The following STAU1 variants were observed in gnomAD, a reference collection of about 807,000 sequenced individuals.
STAU1 encodes double-stranded RNA-binding protein Staufen homolog 1.
Under a neutral mutation model 62.9 loss-of-function variants are expected in STAU1, and 13 were observed. The observed-to-expected ratio is 0.21, with a 90% CI of 0.13 to 0.33. The LOEUF is 0.33. Among genes scored for constraint, STAU1 ranks in the 10% least tolerant of loss-of-function variants. The pLI, the probability that STAU1 is intolerant of heterozygous loss-of-function variation, is 1.00. For missense variants in STAU1, 571 were observed against 712.1 expected (o/e 0.80, Z 2.25); for synonymous variants, 269 against 265.1 (o/e 1.01, Z -0.14).
At chr20:49,143,363 G>T (rs962020747) in intron 5 of STAU1, among the ~76,000 whole-genome samples, 1 of 152,112 alleles carries the variant, frequency 6.6e-6, no homozygotes, top group African/African-American at 2.4e-5. Flanking sequence ...AGGCCACGGT[G>T]GGCGGATCAC....
At chr20:49,168,700 C>A (rs1446917930) in intron 2 of STAU1, among the ~76,000 whole-genome samples, 2 of 152,100 alleles carry the variant, frequency 1.3e-5, no homozygotes, top group Non-Finnish European at 2.9e-5. Flanking sequence ...GGTAGTGATT[C>A]TCAAAAGGGA....
At chr20:49,155,823 A>G (rs1343160110) in intron 3 of STAU1, among the ~76,000 whole-genome samples, 1 of 152,224 alleles carries the variant, frequency 6.6e-6, no homozygotes, top group Non-Finnish European at 1.5e-5. Context: ...TAGAGAATAA[A>G]CATGAAGAAA....
chr20:49,141,085 T>G (rs1455841084), intron 5 of STAU1, among the ~76,000 whole-genome samples: 1 of 152,190 alleles, frequency 6.6e-6, no homozygotes, highest in South Asian at 2.1e-4. Context: ...GTGCTCAGAC[T>G]GTCGTAAGAC....
the STAU1 span, among the ~76,000 whole-genome samples, chr20:49,204,629 TATATATATATATATATA>T: frequency 8.4e-5 from 5 of 59,620 alleles, no homozygotes; most frequent in Non-Finnish European, 1.1e-4. Context: ...TATATGTGTA[TATATATATATATATATA>T]TTTTTTTTTT....
At chr20:49,146,260 C>T (rs958730145) in intron 5 of STAU1, among the ~76,000 whole-genome samples, 1 of 151,832 alleles carries the variant, frequency 6.6e-6, no homozygotes, top group African/African-American at 2.4e-5. Flanking sequence ...AGTGAGACAC[C>T]ATCTCAAGAA....
At chr20:49,136,704 C>G (rs1274539911) in intron 5 of STAU1, among the ~76,000 whole-genome samples, 1 of 147,872 alleles carries the variant, frequency 6.8e-6, no homozygotes, top group African/African-American at 2.5e-5. Context: ...CTGGAAACCA[C>G]TTTTTTTTTT....
At position 49,114,702 on chromosome 20, in the gene STAU1, G is replaced by A; in HGVS notation, c.*176C>T. On this transcript the variant is annotated 3_prime_UTR_variant, in exon 14 of 14. Transcript: ENST00000371856. ...TCACAACAAACCCCAGCACAGTCCA[G>A]CCCGGCCACAGCCGCCTCCTTGTGT... 2 of 668,526 alleles carry A rather than the reference G, an allele frequency of 3.0e-6. No homozygotes were observed. Among genetic ancestry groups the A allele is most frequent in the Non-Finnish European group, 5.3e-6 (2 of 376,772 alleles). The allele number at this position is 668,526 out of a possible 1,614,324, so 41.4% of individuals were successfully genotyped here.
At chr20:49,169,636 G>A (rs966684470) in intron 2 of STAU1, among the ~76,000 whole-genome samples, 5 of 152,136 alleles carry the variant, frequency 3.3e-5, no homozygotes, top group African/African-American at 9.7e-5. Flanking sequence ...GTAAAATTAG[G>A]TTGAGAAGTT....
rs2092543629 is a variant in STAU1 at position 49,124,425 on chromosome 20, C to T, written c.772G>A (p.Val258Ile). ...ELKKLPPLPA[V>I]ERVKPRIKKK... Reference sequence around the variant, plus strand: ...TTGATTCTAGGCTTTACTCGTTCAACTGCAGGCAGGGGCGGTAACTTCTTC... The same window carrying T: ...TTGATTCTAGGCTTTACTCGTTCAATTGCAGGCAGGGGCGGTAACTTCTTC... The change falls in exon 7 of 14, where the codon GTT becomes ATT. Residue 258 changes from valine (V) to isoleucine (I), a missense_variant. Physicochemically the swap from Val to Ile is conservative, Grantham distance 29 (BLOSUM62 3). Around this residue, in one of 3 missense-constraint regions of STAU1, gnomAD observed 414 missense variants for 499.6 expected, o/e 0.83. Transcript: ENST00000371856. The T allele has an allele frequency of 6.2e-7, 1 of 1,614,242 alleles. No individual in the cohort carries two copies. Among genetic ancestry groups the T allele is most frequent in the South Asian group, 1.1e-5 (1 of 91,086 alleles).
At chr20:49,180,998 C>G (rs1398620363) in intron 1 of STAU1, among the ~76,000 whole-genome samples, 1 of 152,148 alleles carries the variant, frequency 6.6e-6, no homozygotes. Context: ...GACTTTGGAG[C>G]CAGACCAGCC....
chr20:49,157,770 G>A (rs925071318), intron 3 of STAU1, among the ~76,000 whole-genome samples: 3 of 151,972 alleles, frequency 2.0e-5, no homozygotes, highest in African/African-American at 7.2e-5. Flanking sequence ...GAGCCACCAT[G>A]CCCGGCCCAT....
chr20:49,117,999 T>G lies in STAU1; in HGVS notation c.1287A>C (p.Gly429=). Residue 429 remains glycine, a synonymous_variant, in exon 11 of 14, where the codon GGA becomes GGC. Transcript: ENST00000371856. This position sits in a 1 kb window ranked among gnomAD's most constrained non-coding sequence, Gnocchi z 4.6. The part of the protein sequence containing the change: ...PMVPEVAQAV[G]VSQGHHTKDF... ...CTTTGGTGTGATGTCCTTGACTAAC[T>G]CCTACAGCCTGGGCGACCTCGGGCA... 1.2e-6 allele frequency: 2 copies of G among 1,614,134 alleles called. No individual in the cohort carries two copies. Among genetic ancestry groups the G allele is most frequent in the Non-Finnish European group, 1.7e-6 (2 of 1,180,020 alleles).
chr20:49,124,336 A>G (rs2092540633), intron 7 of STAU1, 39 bp downstream of exon 7: 2 of 1,600,840 alleles, frequency 1.2e-6, no homozygotes, highest in Non-Finnish European at 1.7e-6. Context: ...CCCATCTATA[A>G]GTAATGAAAA....
intron 1 of STAU1, among the ~76,000 whole-genome samples, chr20:49,175,119 G>C (rs2093643202): frequency 6.6e-6 from 1 of 151,848 alleles, no homozygotes; most frequent in Non-Finnish European, 1.5e-5. Context: ...TCGCGCCACT[G>C]CACTCCAGCC....
At chr20:49,201,044 C>CAAAAAAAA in the STAU1 span, among the ~76,000 whole-genome samples, 223 of 31,468 alleles carry the variant, frequency 7.1e-3, 2 homozygotes, top group Admixed American at 0.013. Context: ...GACCCACTCT[C>CAAAAAAAA]AAAAAAAAAA....
At chr20:49,210,476 T>C in the STAU1 span, 2 of 455,890 alleles carry the variant, frequency 4.4e-6, no homozygotes, top group Non-Finnish European at 8.8e-6. Flanking sequence ...TCTCTCCTTT[T>C]TTTCCTCCTT....
At chr20:49,148,801 A>G (rs572957749) in intron 5 of STAU1, among the ~76,000 whole-genome samples, 2 of 152,234 alleles carry the variant, frequency 1.3e-5, no homozygotes, top group African/African-American at 4.8e-5. Context: ...AAGGCGGGAG[A>G]CTCAGAAACA....
chr20:49,195,531 G>A, the STAU1 span, among the ~76,000 whole-genome samples: 885 of 22,312 alleles, frequency 0.04, no homozygotes, highest in Admixed American at 0.1. Flanking sequence ...GCAAGACTCC[G>A]TCTCAAAAAA....
intron 3 of STAU1, among the ~76,000 whole-genome samples, chr20:49,155,006 A>G (rs1398187656): frequency 6.6e-6 from 1 of 152,188 alleles, no homozygotes; most frequent in Non-Finnish European, 1.5e-5. Context: ...GAATCGCCTG[A>G]ACCCAGGAAG....
Sources: allele counts gnomAD v4.1 joint callset (sites outside exome capture counted in the v4.1 genomes callset), GRCh38; gene constraint gnomAD v4.1.1; regional missense constraint gnomAD v4.1.1; non-coding constraint Gnocchi (gnomAD v3.1); transcripts MANE v1.5; gene names NCBI Gene and HGNC (gene_info 2026-07-23, HGNC 2026-07-21).